The following PBX4 variants were observed in gnomAD, a reference collection of about 807,000 sequenced individuals.
PBX4 encodes the protein PBX homeobox 4.
PBX4 carries 26 observed loss-of-function variants against 35.1 expected under a neutral mutation model. That is an observed-to-expected ratio of 0.74 (90% CI 0.54 to 1.03). The LOEUF (loss-of-function observed/expected upper bound fraction) is 1.03, where lower values mean the gene tolerates loss of function less well. PBX4 is among the 50% of genes least tolerant of loss of function. The pLI is 0.00. For missense variants in PBX4, 448 were observed against 504.3 expected (o/e 0.89, Z 1.07); for synonymous variants, 199 against 204.2 (o/e 0.97, Z 0.22).
Position 19,562,135 on chromosome 19 carries a change from G to T in PBX4, c.1033-18C>A. ...CCCTGGGCCTGAAACGACAGAGACT[G>T]AGCATCAGAGTGGGTGGCCGTGAGA... On this transcript the variant is annotated intron_variant, in intron 7 of 7. Coordinates refer to ENST00000251203, the MANE Select transcript of PBX4 (RefSeq NM_025245.3). The surrounding 1 kb of genome is among the most constrained non-coding windows in gnomAD (Gnocchi z 4.8). The T allele has an allele frequency of 6.3e-7, 1 of 1,593,092 alleles. No individual in the cohort carries two copies. The highest frequency in any genetic ancestry group is 1.7e-4 in the Middle Eastern group (1 of 5,998).
chr19:19,607,229 T>A (rs903887868), intron 1 of PBX4, among the ~76,000 whole-genome samples: 1 of 152,034 alleles, frequency 6.6e-6, no homozygotes. Flanking sequence ...AATTTTTATA[T>A]TTTTAGTAAA....
chr19:19,614,530 GA>G (rs1335578041), intron 1 of PBX4, among the ~76,000 whole-genome samples: 1 of 151,854 alleles, frequency 6.6e-6, no homozygotes, highest in East Asian at 1.9e-4. Context: ...AGCTACTTGG[GA>G]AACTGAGATG....
At chr19:19,599,991 AAT>A (rs1407072269) in intron 1 of PBX4, among the ~76,000 whole-genome samples, 1 of 150,872 alleles carries the variant, frequency 6.6e-6, no homozygotes. Flanking sequence ...AAAAAAAAAA[AAT>A]TCGCCAGGAA....
chr19:19,572,720 G>C (rs2061392090), intron 2 of PBX4, among the ~76,000 whole-genome samples: 1 of 151,682 alleles, frequency 6.6e-6, no homozygotes, highest in Non-Finnish European at 1.5e-5. Context: ...CGGGCATGGT[G>C]TCGAGTGTCT....
intron 4 of PBX4, among the ~76,000 whole-genome samples, 200 bp downstream of exon 4, chr19:19,569,909 C>CAAAT (rs1251792820): frequency 6.6e-6 from 1 of 151,990 alleles, no homozygotes; most frequent in African/African-American, 2.4e-5. Flanking sequence ...GACTCCGTCT[C>CAAAT]AAATAAATAA....
Position 19,561,932 on chromosome 19 carries a change from T to G in PBX4, c.*93A>C. ...ATGGGCACCACCACCCATCTGGGTT[T>G]TCTGAGGTCGTCGGCGGCACGTTCA... On this transcript the variant is annotated 3_prime_UTR_variant, in exon 8 of 8. Coordinates refer to ENST00000251203, the MANE Select transcript of PBX4 (RefSeq NM_025245.3). 8.8e-7 allele frequency: 1 copy of G among 1,137,066 alleles called. No individual in the cohort carries two copies. Among genetic ancestry groups the G allele is most frequent in the Non-Finnish European group, 1.2e-6 (1 of 809,858 alleles). 70.4% of individuals were successfully genotyped at this position (1,137,066 alleles called of 1,614,324 possible). A position where few individuals can be genotyped will look rare whatever the true frequency, so the allele number is the denominator to read the frequency against.
chr19:19,579,272 C>T (rs1031005879), intron 2 of PBX4, among the ~76,000 whole-genome samples: 3 of 151,888 alleles, frequency 2.0e-5, no homozygotes, highest in African/African-American at 7.3e-5. Context: ...TCGCTTAAAC[C>T]TGGGAGGCGG....
chr19:19,582,310 C>A (rs980007064), intron 2 of PBX4, among the ~76,000 whole-genome samples: 1 of 152,138 alleles, frequency 6.6e-6, no homozygotes, highest in Non-Finnish European at 1.5e-5. Context: ...TTTTTGTGGC[C>A]AAAAGGTTGC....
At chr19:19,602,738 T>G (rs1017803008) in intron 1 of PBX4, among the ~76,000 whole-genome samples, 5 of 56,374 alleles carry the variant, frequency 8.9e-5, no homozygotes, top group African/African-American at 2.8e-4. Flanking sequence ...ATTAATTATG[T>G]TTTTTTTTTA....
chr19:19,615,483 T>C (rs2061684391), intron 1 of PBX4, among the ~76,000 whole-genome samples: 1 of 152,132 alleles, frequency 6.6e-6, no homozygotes, highest in South Asian at 2.1e-4. Flanking sequence ...ATTTACTTTC[T>C]CTCCCCAAAC....
At position 19,563,594 on chromosome 19, in the gene PBX4, A is replaced by G; in HGVS notation, c.947T>C (p.Leu316Pro). 1 of 1,549,932 alleles carries G rather than the reference A, an allele frequency of 6.5e-7. No individual in the cohort carries two copies. The highest frequency in any genetic ancestry group is 8.7e-7 in the Non-Finnish European group (1 of 1,146,972). Residue 316 changes from leucine to proline, a missense_variant, in exon 7 of 8, where the codon CTG (leucine) becomes CCG (proline). Coordinates refer to ENST00000251203, the MANE Select transcript of PBX4 (RefSeq NM_025245.3). The surrounding 1 kb of genome is among the most constrained non-coding windows in gnomAD (Gnocchi z 5.1). Reference protein sequence around the residue: ...PSSGSSGPFPLPSAGDAFLTL... With the variant: ...PSSGSSGPFPPPSAGDAFLTL... Reference sequence around the variant, plus strand: ...GAGGAAGGCGTCCCCAGCGCTGGGCAGCGGGAAGGGTCCAGAGGAGCCTGG... The same window carrying G: ...GAGGAAGGCGTCCCCAGCGCTGGGCGGCGGGAAGGGTCCAGAGGAGCCTGG...
intron 5 of PBX4, among the ~76,000 whole-genome samples, chr19:19,565,781 A>G (rs888131660): frequency 1.1e-4 from 17 of 152,074 alleles, no homozygotes; most frequent in African/African-American, 4.1e-4. Context: ...AGCTGGACAC[A>G]GTGGCACATG....
At chr19:19,578,419 T>G (rs961893837) in intron 2 of PBX4, among the ~76,000 whole-genome samples, 1 of 152,074 alleles carries the variant, frequency 6.6e-6, no homozygotes, top group African/African-American at 2.4e-5. Flanking sequence ...TCATTAGACA[T>G]GCATTACCAT....
At chr19:19,614,496 G>C (rs2061678478) in intron 1 of PBX4, among the ~76,000 whole-genome samples, 1 of 151,124 alleles carries the variant, frequency 6.6e-6, no homozygotes, top group South Asian at 2.1e-4. Context: ...CTAGCCAGGT[G>C]TGGTGGTGCA....
At chr19:19,587,137 T>C (rs934300453) in intron 2 of PBX4, among the ~76,000 whole-genome samples, 8 of 151,808 alleles carry the variant, frequency 5.3e-5, no homozygotes, top group Non-Finnish European at 1.2e-4. Context: ...CACAAGTAGC[T>C]GGGATTACAG....
intron 2 of PBX4, among the ~76,000 whole-genome samples, chr19:19,590,619 C>T (rs1039013835): frequency 6.6e-6 from 1 of 152,082 alleles, no homozygotes; most frequent in African/African-American, 2.4e-5. Flanking sequence ...CAGGCATATG[C>T]CACCACGCCC....
rs112205344 is a variant in PBX4, at chr19:19,616,061, G to A, written c.119+2450C>T. Among the ~76,000 whole-genome samples the A allele has an allele frequency of 5.1e-3, 775 of 152,168 alleles. 2 individuals carry two copies. The highest frequency in any genetic ancestry group is 0.016 in the African/African-American group (667 of 41,506). On this transcript the variant is annotated intron_variant, in intron 1 of 7. Coordinates refer to ENST00000251203, the MANE Select transcript of PBX4 (RefSeq NM_025245.3). ...GACCCTAGTCCCATACCCAGAGACCGTCCCTCACCTTACAACAGTCCCCAT... is the reference window on the plus strand; with the variant it reads ...GACCCTAGTCCCATACCCAGAGACCATCCCTCACCTTACAACAGTCCCCAT...
At chr19:19,595,380 G>C (rs1172864811) in intron 2 of PBX4, among the ~76,000 whole-genome samples, 2 of 152,152 alleles carry the variant, frequency 1.3e-5, no homozygotes, top group Non-Finnish European at 2.9e-5. Context: ...TTCGGGTACA[G>C]GGCCCCCGCT....
At chr19:19,613,628 C>T (rs957891104) in intron 1 of PBX4, among the ~76,000 whole-genome samples, 3 of 152,114 alleles carry the variant, frequency 2.0e-5, no homozygotes, top group African/African-American at 7.2e-5. Flanking sequence ...AGCAATATCC[C>T]GGTCTGGAAA....
Sources: allele counts gnomAD v4.1 joint callset (sites outside exome capture counted in the v4.1 genomes callset), GRCh38; gene constraint gnomAD v4.1.1; non-coding constraint Gnocchi (gnomAD v3.1); transcripts MANE v1.5; gene names NCBI Gene and HGNC (gene_info 2026-07-23, HGNC 2026-07-21).